Variants in GPR158 observed in about 807,000 individuals in gnomAD.
The protein encoded by GPR158 is metabotropic glycine receptor.
GPR158 carries 30 observed loss-of-function variants against 78.2 expected under a neutral mutation model. That is an observed-to-expected ratio of 0.38 (90% CI 0.29 to 0.52). The LOEUF is 0.52. Ranked by LOEUF, GPR158 falls within the 20% of genes least tolerant of loss-of-function variation. The pLI is 0.83. For missense variants in GPR158, 1,463 were observed against 1,523.5 expected, an observed-to-expected ratio of 0.96 and a Z score of 0.66; for synonymous variants, 581 against 591.1, an observed-to-expected ratio of 0.98 and a Z score of 0.25.
chr10:25,341,443 T>C (rs914191046), intron 2 of GPR158, among the ~76,000 whole-genome samples: 20 of 151,956 alleles, frequency 1.3e-4, no homozygotes, highest in African/African-American at 4.6e-4. Context: ...TATTGTACTC[T>C]CTTGGGATAC....
At chr10:25,226,627 A>G (rs574066321) in intron 2 of GPR158, among the ~76,000 whole-genome samples, 41 of 152,346 alleles carry the variant, frequency 2.7e-4, no homozygotes, top group African/African-American at 9.9e-4. Flanking sequence ...TTTACATTTT[A>G]GTTGTATTTG....
chr10:25,322,907 T>C (rs2262990), intron 2 of GPR158, among the ~76,000 whole-genome samples: 124,398 of 151,986 alleles, frequency 0.82, 51,951 homozygotes, highest in African/African-American at 0.91. Context: ...AGTGCAGTGG[T>C]GCTATCTTGG....
At chr10:25,271,060 C>G (rs1461403666) in intron 2 of GPR158, among the ~76,000 whole-genome samples, 1 of 152,186 alleles carries the variant, frequency 6.6e-6, no homozygotes, top group Non-Finnish European at 1.5e-5. Context: ...TTTAGCTCCT[C>G]CAGTGTTCCG....
At chr10:25,387,063 G>T (rs1242303006) in intron 2 of GPR158, among the ~76,000 whole-genome samples, 1 of 152,128 alleles carries the variant, frequency 6.6e-6, no homozygotes, top group East Asian at 1.9e-4. Flanking sequence ...TGAGCTTAGA[G>T]GAAAAGTTTT....
At chr10:25,290,392 G>A (rs1434570779) in intron 2 of GPR158, among the ~76,000 whole-genome samples, 1 of 152,114 alleles carries the variant, frequency 6.6e-6, no homozygotes, top group Non-Finnish European at 1.5e-5. Context: ...ATCTGTTAAT[G>A]ACATATGTAA....
intron 5 of GPR158, among the ~76,000 whole-genome samples, chr10:25,516,469 G>GCCTAGGTT (rs1836176132): frequency 1.3e-5 from 2 of 151,340 alleles, no homozygotes; most frequent in African/African-American, 2.4e-5. Context: ...GAATGGTAAT[G>GCCTAGGTT]CCTAGGTTTT....
intron 2 of GPR158, among the ~76,000 whole-genome samples, chr10:25,276,228 T>C (rs1854181014): frequency 6.6e-6 from 1 of 152,172 alleles, no homozygotes; most frequent in Non-Finnish European, 1.5e-5. Context: ...TGAATTCTGT[T>C]GATTAAAATG....
intron 8 of GPR158, among the ~76,000 whole-genome samples, chr10:25,589,447 T>C (rs1837312936): frequency 6.6e-6 from 1 of 152,232 alleles, no homozygotes; most frequent in South Asian, 2.1e-4. Context: ...TGTAGCTTCA[T>C]TATGAAGATA....
chr10:25,346,227 A>ATTTGT (rs1178376421), intron 2 of GPR158, among the ~76,000 whole-genome samples: 57 of 151,932 alleles, frequency 3.8e-4, no homozygotes, highest in Non-Finnish European at 7.1e-4. Context: ...GGTGCTCTCA[A>ATTTGT]TTATTTTGAA....
At chr10:25,184,115 C>T (rs1852650581) in intron 1 of GPR158, among the ~76,000 whole-genome samples, 1 of 152,154 alleles carries the variant, frequency 6.6e-6, no homozygotes, top group Non-Finnish European at 1.5e-5. Flanking sequence ...GTTCTATTAT[C>T]ATCTATAAAT....
intron 2 of GPR158, among the ~76,000 whole-genome samples, chr10:25,322,232 T>C (rs1224305403): frequency 6.6e-6 from 1 of 152,016 alleles, no homozygotes; most frequent in East Asian, 1.9e-4. Context: ...ATACAAAAAA[T>C]TAGCCAGGCA....
intron 4 of GPR158, among the ~76,000 whole-genome samples, chr10:25,438,656 A>C (rs1835029515): frequency 6.6e-6 from 1 of 152,200 alleles, no homozygotes; most frequent in Non-Finnish European, 1.5e-5. Flanking sequence ...GTTTACTCAT[A>C]ATTAAATGAA....
At chr10:25,246,002 A>C (rs1049517808) in intron 2 of GPR158, among the ~76,000 whole-genome samples, 1 of 152,210 alleles carries the variant, frequency 6.6e-6, no homozygotes, top group Non-Finnish European at 1.5e-5. Flanking sequence ...ATCCCATTAG[A>C]AGCAGGAAGG....
intron 2 of GPR158, among the ~76,000 whole-genome samples, chr10:25,234,064 A>G (rs1474503167): frequency 6.6e-6 from 1 of 152,194 alleles, no homozygotes; most frequent in Non-Finnish European, 1.5e-5. Flanking sequence ...CATAACCCCC[A>G]TAAATCAAAG....
intron 4 of GPR158, among the ~76,000 whole-genome samples, chr10:25,458,381 A>G (rs1835317822): frequency 6.6e-6 from 1 of 152,204 alleles, no homozygotes; most frequent in African/African-American, 2.4e-5. Context: ...TTGTTATTAC[A>G]TTATTACATA....
intron 2 of GPR158, among the ~76,000 whole-genome samples, chr10:25,226,797 T>A (rs1853378317): frequency 6.6e-6 from 1 of 152,240 alleles, no homozygotes; most frequent in Admixed American, 6.5e-5. Context: ...TTGCTGTTGT[T>A]AGATGGCCTC....
At chr10:25,546,230 A>G (rs1836660519) in intron 5 of GPR158, among the ~76,000 whole-genome samples, 1 of 152,084 alleles carries the variant, frequency 6.6e-6, no homozygotes, top group African/African-American at 2.4e-5. Flanking sequence ...CAAAAAAGTT[A>G]TTCTATTGTA....
intron 4 of GPR158, among the ~76,000 whole-genome samples, chr10:25,425,877 A>G (rs920278213): frequency 6.6e-6 from 1 of 152,104 alleles, no homozygotes; most frequent in African/African-American, 2.4e-5. Flanking sequence ...TGAGAAGCAG[A>G]TCAAGATTGT....
intron 5 of GPR158, among the ~76,000 whole-genome samples, chr10:25,495,673 T>G (rs1220551516): frequency 6.6e-6 from 1 of 152,086 alleles, no homozygotes; most frequent in Non-Finnish European, 1.5e-5. Flanking sequence ...TGGTATGTTG[T>G]CGGCGCATTT....
Sources: gnomAD v4.1 joint callset for allele counts (sites outside exome capture counted in the v4.1 genomes callset) on GRCh38, gnomAD v4.1.1 for gene constraint, MANE v1.5 for transcripts, NCBI Gene and HGNC (gene_info 2026-07-23, HGNC 2026-07-21) for gene names.